Variants in FAM76A observed in about 807,000 individuals in gnomAD.
FAM76A encodes protein FAM76A.
Under a neutral mutation model 46.2 loss-of-function variants are expected in FAM76A, and 32 were observed. The ratio of observed to expected loss-of-function variants is 0.69; its 90% confidence interval spans 0.52 to 0.93. FAM76A has a LOEUF of 0.93. Among genes scored for constraint, FAM76A ranks in the 40% least tolerant of loss-of-function variants. FAM76A has a pLI of 0.00. For synonymous variants in FAM76A, 137 were observed against 127.0 expected (o/e 1.08, Z -0.53); for missense variants, 274 against 361.5 (o/e 0.76, Z 1.96).
At chr1:27,737,179 T>C (rs1391947935) in intron 4 of FAM76A, among the ~76,000 whole-genome samples, 2 of 151,936 alleles carry the variant, frequency 1.3e-5, no homozygotes, top group Non-Finnish European at 2.9e-5. Context: ...GAATTGCTGA[T>C]CTCAGGTGAT....
rs2088521182 is a variant in FAM76A at position 27,762,198 on chromosome 1, C to G, written c.*1617C>G. 1 of 152,124 alleles carries G rather than the reference C, an allele frequency of 6.6e-6. No individual in the cohort carries two copies. The highest frequency in any genetic ancestry group is 6.6e-5 in the Admixed American group (1 of 15,256). The allele number at this position is 152,124 out of a possible 1,614,324, so 9.4% of individuals were successfully genotyped here. ...AGTTATGTATGCCCTGCCTATCTTC[C>G]CTTCTTAACCCTGTAGGAATATGGA... On this transcript the variant is annotated 3_prime_UTR_variant, in exon 9 of 9. Transcript: ENST00000373954.
intron 6 of FAM76A, among the ~76,000 whole-genome samples, chr1:27,749,379 T>C (rs547852295): frequency 6.6e-6 from 1 of 152,290 alleles, no homozygotes; most frequent in East Asian, 1.9e-4. Flanking sequence ...AAATTATAAT[T>C]TTTTTTAAGA....
chr1:27,749,041 G>A, intron 5 of FAM76A, 27 bp from the exon 6 acceptor site: 3 of 1,438,584 alleles, frequency 2.1e-6, no homozygotes, highest in African/African-American at 1.4e-5. Context: ...TTTCTAATGT[G>A]TGTCTCTCTA....
chr1:27,739,918 G>C (rs2088122292), intron 4 of FAM76A: 1 of 209,008 alleles, frequency 4.8e-6, no homozygotes, highest in South Asian at 8.2e-5. Flanking sequence ...AGAGAAGATG[G>C]ACTCATAGGG....
chr1:27,747,632 A>G (rs2088261705), intron 5 of FAM76A, among the ~76,000 whole-genome samples: 1 of 152,144 alleles, frequency 6.6e-6, no homozygotes, highest in Non-Finnish European at 1.5e-5. Flanking sequence ...GAAGAACTAG[A>G]CTGGCCGGGT....
At position 27,737,708 on chromosome 1, in the gene FAM76A, C is replaced by T. The variant is rs561576175; in HGVS notation, c.354+3525C>T. Among the ~76,000 whole-genome samples the T allele has an allele frequency of 9.2e-5, 14 of 151,754 alleles. No individual in the cohort carries two copies. The South Asian group carries it at 1.9e-3, about 20-fold the overall frequency. On this transcript the variant is annotated intron_variant, in intron 4 of 8. Coordinates refer to ENST00000373954, the MANE Select transcript of FAM76A (RefSeq NM_152660.3). Reference sequence around the variant, plus strand: ...TTCTACAAAAAATACAAAAATTAGCCGGGCATGGTGACATGTGCCTATAAT... The same window carrying T: ...TTCTACAAAAAATACAAAAATTAGCTGGGCATGGTGACATGTGCCTATAAT...
chr1:27,761,261 GA>G lies in FAM76A; in HGVS notation c.*689del, dbSNP rs60888738. On this transcript the variant is annotated 3_prime_UTR_variant, in exon 9 of 9. Coordinates refer to ENST00000373954, the MANE Select transcript of FAM76A (RefSeq NM_152660.3). ...AGTTCTTGTAAAAGTGATGCCTCTT[GA>G]AAAAAAAACAGTCCTATTCACTAGC... 0.98 allele frequency: 149,767 copies of G among 152,170 alleles called. 73,699 individuals are homozygous for G. Among genetic ancestry groups the G allele is most frequent in the East Asian group, 1 (5,164 of 5,174 alleles). 9.4% of individuals were successfully genotyped at this position (152,170 alleles called of 1,614,324 possible). A position where few individuals can be genotyped will look rare whatever the true frequency, so the allele number is the denominator to read the frequency against.
Position 27,742,640 on chromosome 1 carries a change from G to A in FAM76A, c.355-2014G>A, listed in dbSNP as rs967583632. Among the ~76,000 whole-genome samples the A allele has an allele frequency of 7.9e-5, 12 of 152,266 alleles. No individual in the cohort carries two copies. The East Asian group carries it at 1.4e-3, about 17-fold the overall frequency. ...TGGCCAAAGGATTTCAGTTACATAG[G>A]AGGAATAAGTTGAAGAGATCCATTG... is the stretch of plus-strand genomic sequence containing the variant. On this transcript the variant is annotated intron_variant, in intron 4 of 8. Transcript: ENST00000373954.
At chr1:27,758,951 C>T (rs1004152674) in intron 7 of FAM76A, among the ~76,000 whole-genome samples, 3 of 152,142 alleles carry the variant, frequency 2.0e-5, no homozygotes, top group African/African-American at 4.8e-5. Context: ...TCTCTGTTAT[C>T]TCACATTTAT....
chr1:27,727,335 AAAAT>A, intron 1 of FAM76A, 133 bp from the exon 2 acceptor site: 1 of 682,500 alleles, frequency 1.5e-6, no homozygotes, highest in Non-Finnish European at 2.6e-6. Context: ...ACAGAGGAGA[AAAAT>A]AAGGCCCAGA....
intron 2 of FAM76A, among the ~76,000 whole-genome samples, chr1:27,730,490 G>T (rs1430110061): frequency 6.6e-6 from 1 of 151,986 alleles, no homozygotes; most frequent in African/African-American, 2.4e-5. Context: ...CCAGCCTAGA[G>T]TTAGTTTTTC....
chr1:27,726,512 C>A (rs1162332072), intron 1 of FAM76A, among the ~76,000 whole-genome samples: 2 of 152,232 alleles, frequency 1.3e-5, no homozygotes, highest in Admixed American at 1.3e-4. Context: ...TGGGGACCTC[C>A]TGCCCCTCCT....
chr1:27,744,921 C>T, intron 5 of FAM76A, 110 bp downstream of exon 5: 1 of 1,046,464 alleles, frequency 9.6e-7, no homozygotes, highest in Admixed American at 2.5e-5. Context: ...TCTATATTCT[C>T]TGTAGGTACT....
chr1:27,752,277 C>A (rs1458892046), intron 6 of FAM76A, among the ~76,000 whole-genome samples: 1 of 152,026 alleles, frequency 6.6e-6, no homozygotes, highest in African/African-American at 2.4e-5. Context: ...TTAGACAGAA[C>A]ACATTTTAGC....
At chr1:27,751,079 G>A (rs2148583313) in intron 6 of FAM76A, among the ~76,000 whole-genome samples, 1 of 152,250 alleles carries the variant, frequency 6.6e-6, no homozygotes, top group East Asian at 1.9e-4. Flanking sequence ...CTGAGCCTGG[G>A]GAAGTTGAGG....
intron 5 of FAM76A, among the ~76,000 whole-genome samples, chr1:27,748,459 T>C (rs1280161800): frequency 1.4e-5 from 2 of 147,850 alleles, no homozygotes; most frequent in African/African-American, 5.0e-5. Flanking sequence ...AGATTATACT[T>C]CTTATTGAAG....
At chr1:27,757,768 A>C (rs1182553739) in intron 7 of FAM76A, among the ~76,000 whole-genome samples, 1 of 152,136 alleles carries the variant, frequency 6.6e-6, no homozygotes, top group Non-Finnish European at 1.5e-5. Context: ...CGAGGGCAGG[A>C]GATCAAGACC....
intron 2 of FAM76A, among the ~76,000 whole-genome samples, chr1:27,728,998 T>C (rs1374389849): frequency 6.7e-6 from 1 of 149,376 alleles, no homozygotes; most frequent in Non-Finnish European, 1.5e-5. Flanking sequence ...CAGGTATGAG[T>C]GGTCAGACAT....
Position 27,738,073 on chromosome 1 carries a change from C to T in FAM76A, c.354+3890C>T, listed in dbSNP as rs865774846. Among the ~76,000 whole-genome samples the T allele has an allele frequency of 1.1e-4, 16 of 151,494 alleles. No individual in the cohort carries two copies. The South Asian group carries it at 1.5e-3, about 14-fold the overall frequency. On this transcript the variant is annotated intron_variant, in intron 4 of 8. Transcript: ENST00000373954. ...ATCTATAAAATAAATAAAATTAGGT[C>T]TTCAAGCCAGGCCTGATGGCATCCT...
Sources: gnomAD v4.1 joint callset for allele counts (sites outside exome capture counted in the v4.1 genomes callset) on GRCh38, gnomAD v4.1.1 for gene constraint, MANE v1.5 for transcripts, NCBI Gene and HGNC (gene_info 2026-07-23, HGNC 2026-07-21) for gene names.